Variants in FBXW2 observed in about 807,000 individuals in gnomAD.
FBXW2 encodes F-box and WD repeat domain containing 2, also known as F-box/WD repeat-containing protein 2.
A neutral mutation model predicts 46.0 loss-of-function variants in FBXW2; 12 were observed. The observed-to-expected ratio is 0.26, with a 90% CI of 0.17 to 0.42. The LOEUF is 0.42. Ranked by LOEUF, FBXW2 falls within the 10% of genes least tolerant of loss-of-function variation. The pLI, the probability that FBXW2 is intolerant of heterozygous loss-of-function variation, is 1.00. For synonymous variants in FBXW2, 203 were observed against 209.6 expected (o/e 0.97, Z 0.27); for missense variants, 360 against 537.0 (o/e 0.67, Z 3.26).
rs945635511 is a variant in FBXW2, at chr9:120,759,236, A to G, written c.*5323T>C. ...TGCAGCTTTATTACTTTCAAGTACA[A>G]ACAATAACTTGGGCTTGGCTAACCA... On this transcript the variant is annotated 3_prime_UTR_variant, in exon 8 of 8. Coordinates refer to ENST00000608872, the MANE Select transcript of FBXW2 (RefSeq NM_012164.4). 1 of 152,248 alleles carries G rather than the reference A, an allele frequency of 6.6e-6. No homozygotes were observed. The highest frequency in any genetic ancestry group is 1.5e-5 in the Non-Finnish European group (1 of 68,046). 9.4% of individuals were successfully genotyped at this position (152,248 alleles called of 1,614,324 possible). A position where few individuals can be genotyped will look rare whatever the true frequency, so the allele number is the denominator to read the frequency against.
chr9:120,767,620 G>A (rs1220274462), intron 7 of FBXW2, among the ~76,000 whole-genome samples: 1 of 152,206 alleles, frequency 6.6e-6, no homozygotes, highest in Non-Finnish European at 1.5e-5. Flanking sequence ...AGAGCCTAAA[G>A]TGAGCTAGCC....
chr9:120,770,475 A>G (rs995261094), intron 7 of FBXW2, among the ~76,000 whole-genome samples: 1 of 152,218 alleles, frequency 6.6e-6, no homozygotes, highest in African/African-American at 2.4e-5. Context: ...GTTGTTATTA[A>G]TAAGTGTGTG....
chr9:120,778,263 T>TAA (rs34793838), intron 4 of FBXW2, 88 bp downstream of exon 4: 789 of 1,032,932 alleles, frequency 7.6e-4, no homozygotes, highest in Non-Finnish European at 9.2e-4. Flanking sequence ...CAGGTTAAAT[T>TAA]AAAAAAAAAA....
In FBXW2 at chr9:120,793,335, C is replaced by T. The variant is rs2044896131; in HGVS notation, c.-130+19G>A. 2.3e-6 allele frequency: 1 copy of T among 425,888 alleles called. No individual in the cohort carries two copies. The highest frequency in any genetic ancestry group is 2.1e-5 in the African/African-American group (1 of 48,750). 26.4% of individuals were successfully genotyped at this position (425,888 alleles called of 1,614,324 possible). A position where few individuals can be genotyped will look rare whatever the true frequency, so the allele number is the denominator to read the frequency against. ...GCCTAAGAGTCCCCTCCCCGACCGG[C>T]CCCGCCTCGCATACAGACCCGGACC... On this transcript the variant is annotated intron_variant, in intron 1 of 7. Coordinates refer to ENST00000608872, the MANE Select transcript of FBXW2 (RefSeq NM_012164.4).
Position 120,793,370 on chromosome 9 carries a change from T to G in FBXW2, c.-146A>C, listed in dbSNP as rs889238179. On this transcript the variant is annotated 5_prime_UTR_variant, in exon 1 of 8. Coordinates refer to ENST00000608872, the MANE Select transcript of FBXW2 (RefSeq NM_012164.4). ...CATACAGACCCGGACCTGCGGCCGC[T>G]GCTCCCGGTCCGCAGCCTCACAGGG... The G allele has an allele frequency of 6.7e-5, 27 of 400,732 alleles. No homozygotes were observed. Among genetic ancestry groups the G allele is most frequent in the African/African-American group, 4.7e-4 (23 of 48,736 alleles). 24.8% of individuals were successfully genotyped at this position (400,732 alleles called of 1,614,324 possible).
chr9:120,771,842 T>C (rs34623305), intron 6 of FBXW2, among the ~76,000 whole-genome samples: 8 of 151,800 alleles, frequency 5.3e-5, no homozygotes, highest in African/African-American at 1.7e-4. Flanking sequence ...GTGGATCACC[T>C]GAGGTCAGGA....
rs2044215374 is a variant in FBXW2 at position 120,762,729 on chromosome 9, C to T, written c.*1830G>A. 6.6e-6 allele frequency: 1 copy of T among 152,216 alleles called. No homozygotes were observed. The highest frequency in any genetic ancestry group is 2.1e-4 in the South Asian group (1 of 4,832). The allele number at this position is 152,216 out of a possible 1,614,324, so 9.4% of individuals were successfully genotyped here. Reference sequence around the variant, plus strand: ...GCTCTGCCAGCAACCCTTTTTCTCACCTGTAAAATGGATATGCTTTATACT... The same window carrying T: ...GCTCTGCCAGCAACCCTTTTTCTCATCTGTAAAATGGATATGCTTTATACT... On this transcript the variant is annotated 3_prime_UTR_variant, in exon 8 of 8. Transcript: ENST00000608872.
intron 2 of FBXW2, among the ~76,000 whole-genome samples, chr9:120,790,986 C>T (rs193091898): frequency 2.0e-5 from 3 of 152,276 alleles, no homozygotes; most frequent in South Asian, 2.1e-4. Context: ...CCTTTTAAAC[C>T]ACTCAATCCC....
chr9:120,776,156 T>C lies in FBXW2; in HGVS notation c.756A>G (p.Val252=). 4.3e-6 allele frequency: 7 copies of C among 1,614,190 alleles called. No homozygotes were observed. The highest frequency in any genetic ancestry group is 5.1e-6 in the Non-Finnish European group (6 of 1,180,026). Residue 252 remains valine, a synonymous_variant, in exon 5 of 8, where the codon GTA becomes GTG. Coordinates refer to ENST00000608872, the MANE Select transcript of FBXW2 (RefSeq NM_012164.4). ...GGCATGTCCCAGCAGATAAAGCCCA[T>C]ACTTTCACAGTGAAGTCTGCAGAGC... ...VSGSADFTVK[V]WALSAGTCLN... is the part of the protein sequence containing the mutation.
chr9:120,772,060 G>GAAAAAAAA (rs59520792), intron 6 of FBXW2, among the ~76,000 whole-genome samples: 13 of 51,298 alleles, frequency 2.5e-4, no homozygotes, highest in African/African-American at 9.1e-4. Context: ...CCCTGTCTCA[G>GAAAAAAAA]AAAAAAAAAA....
rs1209527103 is a variant in FBXW2, at chr9:120,759,021, T to C, written c.*5538A>G. The C allele has an allele frequency of 6.6e-6, 1 of 152,214 alleles. No individual in the cohort carries two copies. The highest frequency in any genetic ancestry group is 2.4e-5 in the African/African-American group (1 of 41,454). The allele number at this position is 152,214 out of a possible 1,614,324, so 9.4% of individuals were successfully genotyped here. A position where few individuals can be genotyped will look rare whatever the true frequency, so the allele number is the denominator to read the frequency against. On this transcript the variant is annotated 3_prime_UTR_variant, in exon 8 of 8. Coordinates refer to ENST00000608872, the MANE Select transcript of FBXW2 (RefSeq NM_012164.4). ...ATCACCTTCAGAAATGGTTATATTGTTGAGTTTACCTTCTAGAAGATGCAG... is the reference window on the plus strand; with the variant it reads ...ATCACCTTCAGAAATGGTTATATTGCTGAGTTTACCTTCTAGAAGATGCAG...
Position 120,760,413 on chromosome 9 carries a change from G to A in FBXW2, c.*4146C>T, listed in dbSNP as rs907586340. 5 of 152,234 alleles carry A rather than the reference G, an allele frequency of 3.3e-5. No homozygotes were observed. Among genetic ancestry groups the A allele is most frequent in the African/African-American group, 4.8e-5 (2 of 41,430 alleles). The allele number at this position is 152,234 out of a possible 1,614,324, so 9.4% of individuals were successfully genotyped here. A position where few individuals can be genotyped will look rare whatever the true frequency, so the allele number is the denominator to read the frequency against. On this transcript the variant is annotated 3_prime_UTR_variant, in exon 8 of 8. Transcript: ENST00000608872. ...TGGGAGGTAGAGGCGGGCAGAACAC[G>A]AGGTCAAGAAATCAAGACCATCCTG...
At position 120,770,323 on chromosome 9, in the gene FBXW2, C is replaced by T. The variant is rs550410461; in HGVS notation, c.1076+1025G>A. On this transcript the variant is annotated intron_variant, in intron 7 of 7. Transcript: ENST00000608872. ...CCCTGGAGGCGGAGCCTGCAGTGAG[C>T]AGAGATTGTGCCACTGCACTCCAGC... 1.7e-4 allele frequency among the ~76,000 whole-genome samples: 25 copies of T among 146,540 alleles called. No homozygotes were observed. In the South Asian group the frequency reaches 2.6e-3, roughly 15 times the overall value.
chr9:120,793,319 T>C (rs930270898), intron 1 of FBXW2, 35 bp downstream of exon 1: 3 of 428,312 alleles, frequency 7.0e-6, no homozygotes, highest in Admixed American at 4.3e-5. Context: ...CGCCTAAGAG[T>C]CCCCTCCCCG....
At chr9:120,793,331 C>A (rs372385256) in intron 1 of FBXW2, 23 bp downstream of exon 1, 6 of 428,458 alleles carry the variant, frequency 1.4e-5, no homozygotes, top group African/African-American at 1.0e-4. Flanking sequence ...CCCTCCCCGA[C>A]CGGCCCCGCC....
chr9:120,779,867 T>C (rs1044900581), intron 3 of FBXW2, among the ~76,000 whole-genome samples: 5 of 152,100 alleles, frequency 3.3e-5, no homozygotes, highest in Admixed American at 2.6e-4. Context: ...AAAAGAAATG[T>C]TGGGCCGGGC....
chr9:120,770,309 G>C (rs529047045), intron 7 of FBXW2, among the ~76,000 whole-genome samples: 30 of 151,448 alleles, frequency 2.0e-4, no homozygotes, highest in Non-Finnish European at 4.1e-4. Flanking sequence ...CCTGGAGGCG[G>C]AGCCTGCAGT....
rs377576429 is a variant in FBXW2, at chr9:120,764,628, C to T, written c.1296G>A (p.Thr432=). Residue 432 remains threonine (T), a synonymous_variant, in exon 8 of 8, where the codon ACG becomes ACA. Coordinates refer to ENST00000608872, the MANE Select transcript of FBXW2 (RefSeq NM_012164.4). ...GCATGCTGGTGGCAAAGACCAAGCC[C>T]GTGTCATTGTGCCCATCCAGTCCAT... The part of the protein sequence containing the change: ...WLNGLDGHND[T]GLVFATSMPD... 383 of 1,614,058 alleles carry T rather than the reference C, an allele frequency of 2.4e-4. 1 individual carries two copies. The highest frequency in any genetic ancestry group is 2.9e-4 in the Non-Finnish European group (339 of 1,180,040).
At chr9:120,770,070 T>C (rs1479671272) in intron 7 of FBXW2, among the ~76,000 whole-genome samples, 1 of 152,136 alleles carries the variant, frequency 6.6e-6, no homozygotes, top group African/African-American at 2.4e-5. Flanking sequence ...TGACCTCAAA[T>C]AGTCATGCAT....
Sources: allele counts gnomAD v4.1 joint callset (sites outside exome capture counted in the v4.1 genomes callset), GRCh38; gene constraint gnomAD v4.1.1; transcripts MANE v1.5; gene names NCBI Gene and HGNC (gene_info 2026-07-23, HGNC 2026-07-21).